The following HELLS variants were observed in gnomAD, a reference collection of about 807,000 sequenced individuals.
The protein encoded by HELLS is helicase, lymphoid specific.
HELLS carries 32 observed loss-of-function variants against 120.0 expected under a neutral mutation model. The observed-to-expected ratio is 0.27, with a 90% CI of 0.20 to 0.36. The LOEUF is 0.36. Ranked by LOEUF, HELLS falls within the 10% of genes least tolerant of loss-of-function variation. HELLS has a pLI of 1.00. For synonymous variants in HELLS, 341 were observed against 323.4 expected (o/e 1.05, Z -0.58); for missense variants, 650 against 993.4 (o/e 0.65, Z 4.65).
At chr10:94,602,142 T>C (rs925599631), downstream of HELLS, 10 of 152,366 alleles carry the variant, frequency 6.6e-5, no homozygotes, top group African/African-American at 2.4e-4. Flanking sequence ...GGTGCAATAA[T>C]AGCAAAAGAC....
chr10:94,600,806 A>C (rs976720230), intron 21 of HELLS, among the ~76,000 whole-genome samples: 5 of 152,212 alleles, frequency 3.3e-5, no homozygotes, highest in African/African-American at 1.2e-4. Flanking sequence ...ATTATATGAT[A>C]GGTTTCATAG....
intron 10 of HELLS, chr10:94,577,194 G>T: frequency 3.3e-6 from 1 of 306,018 alleles, no homozygotes; most frequent in South Asian, 2.8e-5. Flanking sequence ...CTATTTGGTA[G>T]CATTTTCGTT....
intron 10 of HELLS, among the ~76,000 whole-genome samples, chr10:94,577,928 T>C (rs1844587907): frequency 6.6e-6 from 1 of 151,862 alleles, no homozygotes; most frequent in African/African-American, 2.4e-5. Flanking sequence ...CCGGGCGCGG[T>C]GGCGGGCGCC....
In HELLS at chr10:94,545,791, G is replaced by T. The variant is rs967497212; in HGVS notation, c.-131G>T. The T allele has an allele frequency of 9.7e-7, 1 of 1,030,732 alleles. No individual in the cohort carries two copies. Among genetic ancestry groups the T allele is most frequent in the Non-Finnish European group, 1.5e-6 (1 of 671,804 alleles). 63.8% of individuals were successfully genotyped at this position (1,030,732 alleles called of 1,614,324 possible). ...CGAGATGACAGGATTTTCCCGCGAA[G>T]GAGAAGCGCGCTTTTTTCCCTGGCG... On this transcript the variant is annotated 5_prime_UTR_variant, in exon 1 of 22. The change creates a new upstream start codon in the 5' untranslated region. Transcript: ENST00000348459.
downstream of HELLS, among the ~76,000 whole-genome samples, chr10:94,605,647 T>TG (rs1279364213): frequency 6.7e-6 from 1 of 149,358 alleles, no homozygotes; most frequent in African/African-American, 2.5e-5. Flanking sequence ...TGGTTCCTTT[T>TG]TTTTTTTTTT....
chr10:94,553,223 A>T (rs1030560084), intron 2 of HELLS, among the ~76,000 whole-genome samples: 2 of 152,088 alleles, frequency 1.3e-5, no homozygotes, highest in African/African-American at 2.4e-5. Context: ...CGGAACCACA[A>T]CATCAATGTT....
intron 17 of HELLS, 100 bp downstream of exon 17, chr10:94,592,614 A>T: frequency 1.2e-6 from 1 of 814,026 alleles, no homozygotes; most frequent in Non-Finnish European, 1.7e-6. Context: ...TGATAAAAAG[A>T]TAGAAATGAC....
chr10:94,548,822 C>T (rs1379139923), intron 2 of HELLS, among the ~76,000 whole-genome samples: 3 of 152,016 alleles, frequency 2.0e-5, no homozygotes, highest in Admixed American at 6.6e-5. Flanking sequence ...GGTGAAACCC[C>T]GTCTCTACTA....
intron 12 of HELLS, chr10:94,584,082 C>T (rs1403128154): frequency 7.2e-7 from 1 of 1,393,316 alleles, no homozygotes; most frequent in Admixed American, 2.3e-5. Context: ...GATATACGTC[C>T]ATATGAAAAT....
chr10:94,554,175 T>G lies in HELLS; in HGVS notation c.203T>G (p.Leu68Arg). 1 of 1,583,138 alleles carries G rather than the reference T, an allele frequency of 6.3e-7. No homozygotes were observed. The highest frequency in any genetic ancestry group is 1.2e-5 in the South Asian group (1 of 83,410). Residue 68 changes from leucine to arginine, a missense_variant, in exon 3 of 22, where the codon CTT becomes CGT. By Grantham distance (102) the Leu-to-Arg change is moderately radical. Coordinates refer to ENST00000348459, the MANE Select transcript of HELLS (RefSeq NM_018063.5). ...RESTEIRYRR[L>R]QHLLEKSNIY... ...TCGACAGAAATTCGGTACCGTAGAC[T>G]TCAACATTTGCTTGAAAAAAGCAAT...
Position 94,558,175 on chromosome 10 carries a change from G to T in HELLS, c.313G>T (p.Glu105Ter). The change falls in exon 4 of 22, where the codon GAG (glutamate) becomes TAG (stop). Residue 105 changes from glutamate to a stop codon, truncating the protein, a stop_gained. Transcript: ENST00000348459. LOFTEE classifies it high-confidence loss of function. ...GAAAGAAAAATTGGAGAGAAAAAAG[G>T]AGTCTTTAAAAGTTAAAAAGGTAAT... ...KKKEKLERKKESLKVKKGKNS... is the reference protein window; with the variant it reads ...KKKEKLERKK 1 of 1,567,128 alleles carries T rather than the reference G, an allele frequency of 6.4e-7. No homozygotes were observed. Among genetic ancestry groups the T allele is most frequent in the Non-Finnish European group, 8.6e-7 (1 of 1,164,618 alleles).
chr10:94,579,811 A>T (rs1236965455), intron 10 of HELLS, among the ~76,000 whole-genome samples: 1 of 151,832 alleles, frequency 6.6e-6, no homozygotes, highest in Non-Finnish European at 1.5e-5. Flanking sequence ...TCCAGCCTGC[A>T]TTCACTTTTG....
intron 21 of HELLS, among the ~76,000 whole-genome samples, chr10:94,597,932 T>C (rs1270297250): frequency 1.3e-5 from 2 of 152,178 alleles, no homozygotes; most frequent in Admixed American, 1.3e-4. Context: ...GTCATTCTTT[T>C]ATTAGCTGGG....
At chr10:94,568,285 A>G (rs993403867) in intron 6 of HELLS, among the ~76,000 whole-genome samples, 3 of 151,030 alleles carry the variant, frequency 2.0e-5, no homozygotes, top group African/African-American at 7.3e-5. Flanking sequence ...TACGCCTACC[A>G]GTTGAATTTA....
At chr10:94,568,670 AT>A (rs1407677124) in intron 6 of HELLS, among the ~76,000 whole-genome samples, 1 of 152,168 alleles carries the variant, frequency 6.6e-6, no homozygotes, top group Non-Finnish European at 1.5e-5. Flanking sequence ...AAGGAATTGC[AT>A]TTTCTTGTAG....
At chr10:94,574,835 G>A (rs1844352534) in intron 9 of HELLS, 99 bp downstream of exon 9, 12 of 888,898 alleles carry the variant, frequency 1.3e-5, no homozygotes, top group Non-Finnish European at 2.0e-5. Context: ...AATTATATTG[G>A]TTTCTGTATA....
chr10:94,573,972 T>G lies in HELLS; in HGVS notation c.490T>G (p.Ser164Ala). Residue 164 changes from serine to alanine, a missense_variant, in exon 8 of 22, where the codon TCC becomes GCC. Ser to Ala is a moderately conservative substitution (Grantham distance 99). This residue lies in a region of HELLS where 113 missense variants were observed against 120.7 expected (regional missense o/e 0.94). Coordinates refer to ENST00000348459, the MANE Select transcript of HELLS (RefSeq NM_018063.5). ...NKKENEDENSSSTNLCVEDLQ... is the reference protein window; with the variant it reads ...NKKENEDENSASTNLCVEDLQ... The stretch of plus-strand genomic sequence containing the variant: ...TTTTTCTCTACAGGATGAAAACTCC[T>G]CCTCTACTAATCTCTGTGTGGAAGA... The G allele has an allele frequency of 6.2e-7, 1 of 1,601,406 alleles. No individual in the cohort carries two copies. Among genetic ancestry groups the G allele is most frequent in the Non-Finnish European group, 8.6e-7 (1 of 1,169,462 alleles).
chr10:94,576,103 A>G (rs983353185), intron 9 of HELLS, among the ~76,000 whole-genome samples: 2 of 150,702 alleles, frequency 1.3e-5, no homozygotes, highest in Middle Eastern at 3.4e-3. Flanking sequence ...TGGCCCGTCT[A>G]TTTGTTTTTA....
At chr10:94,546,352 A>T in intron 1 of HELLS, 25 bp from the exon 2 acceptor site, 2 of 1,613,804 alleles carry the variant, frequency 1.2e-6, no homozygotes, top group East Asian at 2.2e-5. Context: ...TAAAACTGCA[A>T]TTTGAAAGCT....
Sources: gnomAD v4.1 joint callset for allele counts (sites outside exome capture counted in the v4.1 genomes callset) on GRCh38, gnomAD v4.1.1 for gene constraint, gnomAD v4.1.1 regional missense constraint, MANE v1.5 for transcripts, NCBI Gene and HGNC (gene_info 2026-07-23, HGNC 2026-07-21) for gene names.